The following WDR72 variants were observed in gnomAD, a reference collection of about 807,000 sequenced individuals.
WDR72 encodes WD repeat domain 72.
A neutral mutation model predicts 124.2 loss-of-function variants in WDR72; 120 were observed. The observed-to-expected ratio is 0.97, with a 90% confidence interval of 0.83 to 1.12. WDR72 has a LOEUF of 1.12. WDR72 is among the 50% of genes most tolerant of loss of function. WDR72 has a pLI of 0.00. For missense variants in WDR72, 1,387 were observed against 1,278.8 expected (o/e 1.08, Z -1.29); for synonymous variants, 452 against 441.7 (o/e 1.02, Z -0.29).
intron 1 of WDR72, among the ~76,000 whole-genome samples, chr15:53,754,119 G>A (rs909005555): frequency 3.9e-5 from 6 of 152,174 alleles, no homozygotes; most frequent in African/African-American, 1.2e-4. Flanking sequence ...TACAGGGGTG[G>A]TTAAGATGCC....
chr15:53,595,278 A>G (rs1253106019), intron 18 of WDR72, among the ~76,000 whole-genome samples: 1 of 146,604 alleles, frequency 6.8e-6, no homozygotes, highest in African/African-American at 2.7e-5. Flanking sequence ...ACTAAATTCT[A>G]TACTATCAAC....
In WDR72 at chr15:53,656,682, T is replaced by C. The variant is rs137961636; in HGVS notation, c.1962+8890A>G. 2.2e-3 allele frequency among the ~76,000 whole-genome samples: 341 copies of C among 152,298 alleles called. 3 individuals are homozygous for C. The highest frequency in any genetic ancestry group is 7.9e-3 in the African/African-American group (329 of 41,570). On this transcript the variant is annotated intron_variant, in intron 14 of 19. Transcript: ENST00000360509. ...TTTCTTTCCAGTTATAAGCAACTAA[T>C]AGTTTGAGTTAACATTTGAATTCTA...
upstream of WDR72, among the ~76,000 whole-genome samples, chr15:53,760,250 C>T (rs1396247238): frequency 6.6e-6 from 1 of 151,994 alleles, no homozygotes; most frequent in African/African-American, 2.4e-5. Flanking sequence ...TGTTGTGCCA[C>T]CAAATAGTAG....
chr15:53,662,947 T>C (rs2015655747), intron 14 of WDR72, among the ~76,000 whole-genome samples: 1 of 151,726 alleles, frequency 6.6e-6, no homozygotes, highest in African/African-American at 2.4e-5. Flanking sequence ...TGTGCACCTG[T>C]AGTCCCAAAT....
chr15:53,544,096 G>A (rs1893319058), intron 18 of WDR72, among the ~76,000 whole-genome samples: 1 of 141,004 alleles, frequency 7.1e-6, no homozygotes, highest in African/African-American at 2.7e-5. Context: ...GGAGGAACTG[G>A]TACCATTCCT....
intron 2 of WDR72, among the ~76,000 whole-genome samples, chr15:53,732,358 G>C (rs2018226474): frequency 6.6e-6 from 1 of 152,156 alleles, no homozygotes; most frequent in Non-Finnish European, 1.5e-5. Context: ...TTCAAATTGG[G>C]TCTAGAGACT....
At chr15:53,664,421 G>A (rs1459924036) in intron 14 of WDR72, among the ~76,000 whole-genome samples, 1 of 151,488 alleles carries the variant, frequency 6.6e-6, no homozygotes, top group Non-Finnish European at 1.5e-5. Context: ...AACCTAAAAA[G>A]CTAAAGATTA....
chr15:53,608,339 TA>T (rs753660746), intron 17 of WDR72, among the ~76,000 whole-genome samples: 3 of 151,942 alleles, frequency 2.0e-5, no homozygotes, highest in Admixed American at 6.6e-5. Context: ...TATTCAGTTA[TA>T]AAAAAAATGA....
At chr15:53,600,874 T>A (rs1453410944) in intron 17 of WDR72, among the ~76,000 whole-genome samples, 1 of 152,182 alleles carries the variant, frequency 6.6e-6, no homozygotes, top group East Asian at 1.9e-4. Flanking sequence ...AAATTAGCAA[T>A]CCCCAAACTT....
chr15:53,526,588 T>G (rs550626148), intron 18 of WDR72, among the ~76,000 whole-genome samples: 2 of 152,220 alleles, frequency 1.3e-5, no homozygotes, highest in Admixed American at 1.3e-4. Context: ...AGATAGTCAA[T>G]AATTTGATCT....
intron 11 of WDR72, among the ~76,000 whole-genome samples, chr15:53,703,291 G>A (rs759793911): frequency 5.3e-5 from 8 of 152,156 alleles, no homozygotes; most frequent in Non-Finnish European, 7.4e-5. Flanking sequence ...TGCTTTGAAA[G>A]ATGTTAGACA....
At chr15:53,606,833 AG>A (rs1451627143) in intron 17 of WDR72, among the ~76,000 whole-genome samples, 1 of 152,202 alleles carries the variant, frequency 6.6e-6, no homozygotes, top group Non-Finnish European at 1.5e-5. Flanking sequence ...AAGGTAAGAT[AG>A]GAGGTGGCAA....
chr15:53,599,698 C>T (rs938670907), intron 17 of WDR72, among the ~76,000 whole-genome samples: 2 of 152,132 alleles, frequency 1.3e-5, no homozygotes, highest in African/African-American at 4.8e-5. Flanking sequence ...CTTATCACCC[C>T]AGAGGCATGC....
At chr15:53,585,059 C>A (rs992262778) in intron 18 of WDR72, among the ~76,000 whole-genome samples, 2 of 151,926 alleles carry the variant, frequency 1.3e-5, no homozygotes, top group Non-Finnish European at 2.9e-5. Flanking sequence ...GTGCCTACAT[C>A]CCCCACTTCT....
intron 1 of WDR72, among the ~76,000 whole-genome samples, chr15:53,744,209 G>A (rs1165589084): frequency 6.6e-6 from 1 of 152,028 alleles, no homozygotes; most frequent in Non-Finnish European, 1.5e-5. Context: ...AGTTTATAGG[G>A]GTGAGAGGAA....
intron 13 of WDR72, among the ~76,000 whole-genome samples, chr15:53,688,716 T>G (rs1567029268): frequency 6.6e-6 from 1 of 152,028 alleles, no homozygotes; most frequent in Non-Finnish European, 1.5e-5. Flanking sequence ...AAAAACTACT[T>G]TAAAGTTCAT....
intron 18 of WDR72, among the ~76,000 whole-genome samples, chr15:53,526,251 G>A (rs1459427530): frequency 2.0e-5 from 3 of 151,952 alleles, no homozygotes; most frequent in African/African-American, 4.8e-5. Context: ...ATTCTAAGAG[G>A]GACATGGTTT....
intron 3 of WDR72, among the ~76,000 whole-genome samples, chr15:53,721,607 C>G (rs1212334193): frequency 6.6e-6 from 1 of 152,156 alleles, no homozygotes; most frequent in Non-Finnish European, 1.5e-5. Flanking sequence ...AAATAGGTAT[C>G]TCTTTGATAC....
chr15:53,672,885 T>G (rs2140463881), intron 13 of WDR72, among the ~76,000 whole-genome samples: 1 of 152,324 alleles, frequency 6.6e-6, no homozygotes, highest in Admixed American at 6.5e-5. Flanking sequence ...ATCCCAGCAC[T>G]TTGGGAGACT....
Sources: gnomAD v4.1 joint callset for allele counts (sites outside exome capture counted in the v4.1 genomes callset) on GRCh38, gnomAD v4.1.1 for gene constraint, MANE v1.5 for transcripts, NCBI Gene and HGNC (gene_info 2026-07-23, HGNC 2026-07-21) for gene names.